MCC: variants seen among roughly 807,000 people sequenced by gnomAD.
MCC encodes the protein colorectal mutant cancer protein.
A neutral mutation model predicts 116.2 loss-of-function variants in MCC; 90 were observed. That is an observed-to-expected ratio of 0.77 (90% CI 0.65 to 0.92). The LOEUF (loss-of-function observed/expected upper bound fraction) is 0.92. MCC is among the 40% of genes least tolerant of loss of function. MCC has a pLI of 0.00. For synonymous variants in MCC, 578 were observed against 510.5 expected (o/e 1.13, Z -1.78); for missense variants, 1,516 against 1,312.2 (o/e 1.16, Z -2.40).
intron 3 of MCC, among the ~76,000 whole-genome samples, chr5:113,163,906 C>T (rs1760636433): frequency 6.6e-6 from 1 of 152,146 alleles, no homozygotes; most frequent in South Asian, 2.1e-4. Flanking sequence ...AAAATGTTAA[C>T]AACATCCCCA....
chr5:113,119,934 C>T (rs1235331518), intron 6 of MCC, among the ~76,000 whole-genome samples: 4 of 152,204 alleles, frequency 2.6e-5, no homozygotes, highest in East Asian at 3.8e-4. Context: ...GTGCAACAGA[C>T]GCCACCTCAA....
chr5:113,150,738 CA>C (rs1458173555), intron 4 of MCC, among the ~76,000 whole-genome samples: 8 of 151,988 alleles, frequency 5.3e-5, no homozygotes, highest in Non-Finnish European at 1.2e-4. Flanking sequence ...CTTGAAAAAT[CA>C]AAGCAAAGGA....
At chr5:113,412,362 C>A (rs1218154966) in intron 1 of MCC, among the ~76,000 whole-genome samples, 1 of 152,136 alleles carries the variant, frequency 6.6e-6, no homozygotes, top group Admixed American at 6.5e-5. Flanking sequence ...TTACCTTGGG[C>A]AGTATGGTCA....
chr5:113,043,139 A>G (rs13360862), intron 17 of MCC, among the ~76,000 whole-genome samples: 23,796 of 152,232 alleles, frequency 0.16, 2,097 homozygotes, highest in Non-Finnish European at 0.21. Flanking sequence ...AACTAAATAA[A>G]TACACAAAGC....
chr5:113,240,118 G>C (rs188872229), intron 3 of MCC, among the ~76,000 whole-genome samples: 29 of 152,288 alleles, frequency 1.9e-4, no homozygotes, highest in Admixed American at 6.5e-4. Context: ...GTAGAAAGCT[G>C]TCATGTCGGT....
chr5:113,276,029 G>A (rs1355446716), intron 3 of MCC, among the ~76,000 whole-genome samples: 15 of 146,740 alleles, frequency 1.0e-4, no homozygotes, highest in Admixed American at 8.2e-4. Context: ...ACCCATGGAT[G>A]GGCTGTCAAA....
At chr5:113,172,980 A>G (rs1313304859) in intron 3 of MCC, among the ~76,000 whole-genome samples, 1 of 151,960 alleles carries the variant, frequency 6.6e-6, no homozygotes, top group Non-Finnish European at 1.5e-5. Flanking sequence ...TTGTTTTTTA[A>G]TTGCCTGTTT....
rs377747607 is a variant in MCC at position 113,483,306 on chromosome 5, C to A, written c.170+4939G>T. 3.1e-3 allele frequency among the ~76,000 whole-genome samples: 466 copies of A among 152,312 alleles called. 7 individuals carry two copies. Among genetic ancestry groups the A allele is most frequent in the East Asian group, 0.02 (104 of 5,180 alleles). ...TCAGTTCATCAATTTCTGCAAAAAA[C>A]AGCAGCTGGTATTCTGAGAAGGACT... On this transcript the variant is annotated intron_variant, in intron 1 of 18. Transcript: ENST00000408903.
At chr5:113,342,966 T>C (rs1411097734) in intron 2 of MCC, among the ~76,000 whole-genome samples, 1 of 152,192 alleles carries the variant, frequency 6.6e-6, no homozygotes, top group Non-Finnish European at 1.5e-5. Flanking sequence ...TGCAAAGATC[T>C]CATTCTGGTA....
At chr5:113,362,001 G>A (rs1289763246) in intron 2 of MCC, among the ~76,000 whole-genome samples, 1 of 152,014 alleles carries the variant, frequency 6.6e-6, no homozygotes, top group East Asian at 1.9e-4. Context: ...GCTTATAGAT[G>A]GCATATTGTG....
chr5:113,449,873 A>T (rs1231694699), intron 1 of MCC, among the ~76,000 whole-genome samples: 1 of 152,234 alleles, frequency 6.6e-6, no homozygotes, highest in African/African-American at 2.4e-5. Context: ...GCCAGATCAG[A>T]AACTCTTTTT....
chr5:113,328,252 T>C (rs1483530393), intron 3 of MCC, among the ~76,000 whole-genome samples: 3 of 152,232 alleles, frequency 2.0e-5, no homozygotes, highest in Non-Finnish European at 2.9e-5. Flanking sequence ...TCTACTGATA[T>C]CCTACATGTA....
rs536099035 is a variant in MCC at position 113,186,896 on chromosome 5, G to C, written c.628-35474C>G. ...GTTTTCACAACCGGGGGAGGATAGG[G>C]GGAGCTACTAGCATCTACTGGGTAG... On this transcript the variant is annotated intron_variant, in intron 3 of 18. Coordinates refer to ENST00000408903, the MANE Select transcript of MCC (RefSeq NM_001085377.2). Among the ~76,000 whole-genome samples the C allele has an allele frequency of 3.3e-5, 5 of 152,236 alleles. No homozygotes were observed. The South Asian group carries it at 6.2e-4, about 19-fold the overall frequency.
chr5:113,165,985 A>C (rs1760747718), intron 3 of MCC, among the ~76,000 whole-genome samples: 1 of 152,246 alleles, frequency 6.6e-6, no homozygotes, highest in Non-Finnish European at 1.5e-5. Flanking sequence ...GGGGCAGGGA[A>C]TGAAGGCTGC....
At chr5:113,059,538 A>G (rs1753070446) in intron 14 of MCC, among the ~76,000 whole-genome samples, 1 of 152,124 alleles carries the variant, frequency 6.6e-6, no homozygotes, top group Non-Finnish European at 1.5e-5. Context: ...GGAATCAATC[A>G]CTTTCTGTGG....
chr5:113,143,186 GGGC>G (rs1759283701), intron 5 of MCC, 29 bp downstream of exon 5: 1 of 1,566,282 alleles, frequency 6.4e-7, no homozygotes, highest in South Asian at 1.2e-5. Context: ...TTAGCAGAAG[GGGC>G]AGAGTAAAAG....
intron 1 of MCC, among the ~76,000 whole-genome samples, chr5:113,456,589 T>C (rs1771553837): frequency 6.8e-6 from 1 of 146,224 alleles, no homozygotes; most frequent in Non-Finnish European, 1.5e-5. Flanking sequence ...CTCCAATAGC[T>C]GGGACTACAG....
At chr5:113,250,493 C>T (rs1764755019) in intron 3 of MCC, among the ~76,000 whole-genome samples, 1 of 152,136 alleles carries the variant, frequency 6.6e-6, no homozygotes, top group South Asian at 2.1e-4. Context: ...TCCCACAGCA[C>T]GCTGCCTCCC....
intron 3 of MCC, among the ~76,000 whole-genome samples, chr5:113,289,537 C>A (rs536407593): frequency 6.6e-6 from 1 of 152,072 alleles, no homozygotes; most frequent in African/African-American, 2.4e-5. Context: ...AGAAATGATC[C>A]TGTGCCCGTT....
Sources: allele counts gnomAD v4.1 joint callset (sites outside exome capture counted in the v4.1 genomes callset), GRCh38; gene constraint gnomAD v4.1.1; transcripts MANE v1.5; gene names NCBI Gene and HGNC (gene_info 2026-07-23, HGNC 2026-07-21).